The following RARB variants were observed in gnomAD, a reference collection of about 807,000 sequenced individuals.
The protein encoded by RARB is retinoic acid receptor beta, also known as HBV-activated protein.
A neutral mutation model predicts 51.9 loss-of-function variants in RARB; 17 were observed. That is an observed-to-expected ratio of 0.33 (90% CI 0.22 to 0.49). The LOEUF (loss-of-function observed/expected upper bound fraction) is 0.49, where lower values mean the gene tolerates loss of function less well. Among genes scored for constraint, RARB ranks in the 20% least tolerant of loss-of-function variants. The probability of loss-of-function intolerance (pLI) is 0.99; values close to 1 mark genes in which losing one functional copy is unlikely to be tolerated. For missense variants in RARB, 369 were observed against 550.8 expected, an observed-to-expected ratio of 0.67 and a Z score of 3.30; for synonymous variants, 215 against 195.4, an observed-to-expected ratio of 1.10 and a Z score of -0.84.
intron 1 of RARB, among the ~76,000 whole-genome samples, chr3:25,447,030 C>T (rs1227239155): frequency 6.7e-6 from 1 of 149,254 alleles, no homozygotes; most frequent in Non-Finnish European, 1.5e-5. Flanking sequence ...AAAAAAAAAA[C>T]TGATCGTGTT....
At chr3:24,900,782 C>G (rs186457177) in intron 2 of RARB, among the ~76,000 whole-genome samples, 1 of 152,012 alleles carries the variant, frequency 6.6e-6, no homozygotes, top group East Asian at 1.9e-4. Context: ...GCAGCACATT[C>G]GGTTTGAGCA....
intron 3 of RARB, among the ~76,000 whole-genome samples, chr3:25,549,394 C>T (rs368645851): frequency 2.0e-4 from 31 of 152,174 alleles, no homozygotes; most frequent in Middle Eastern, 3.4e-3. Context: ...AACAAGATGC[C>T]ATTTAACAGA....
At chr3:25,432,378 T>C (rs1405738632) in intron 1 of RARB, among the ~76,000 whole-genome samples, 1 of 152,210 alleles carries the variant, frequency 6.6e-6, no homozygotes, top group Non-Finnish European at 1.5e-5. Flanking sequence ...TGCCTAAACT[T>C]AAGCTATGGA....
At chr3:25,474,916 G>A (rs964126582) in intron 2 of RARB, among the ~76,000 whole-genome samples, 3 of 152,100 alleles carry the variant, frequency 2.0e-5, no homozygotes, top group Non-Finnish European at 4.4e-5. Context: ...AAAAATTTGA[G>A]TCTCATGTTG....
chr3:24,896,416 C>T (rs566383745), intron 2 of RARB, among the ~76,000 whole-genome samples: 16 of 152,176 alleles, frequency 1.1e-4, no homozygotes, highest in Non-Finnish European at 1.8e-4. Flanking sequence ...CGCACCACCA[C>T]GTCCGGCTAA....
In RARB at chr3:24,857,061, T is replaced by C. The variant is rs558183149; in HGVS notation, c.-458-1613T>C. 2.0e-5 allele frequency among the ~76,000 whole-genome samples: 3 copies of C among 152,300 alleles called. No individual in the cohort carries two copies. The South Asian group carries it at 6.2e-4, about 32-fold the overall frequency. On this transcript the variant is annotated intron_variant, in intron 1 of 11. Coordinates refer to the RARB transcript ENST00000383772. Reference sequence around the variant, plus strand: ...GACTGGAGCTGGAAGCACCAAAAGTTTTTATTCATTTAATTCACTAATAAA... The same window carrying C: ...GACTGGAGCTGGAAGCACCAAAAGTCTTTATTCATTTAATTCACTAATAAA...
chr3:24,890,342 C>G (rs1703354026), intron 2 of RARB, among the ~76,000 whole-genome samples: 1 of 152,198 alleles, frequency 6.6e-6, no homozygotes, highest in South Asian at 2.1e-4. Context: ...TTAGACTTTT[C>G]TCTCTGTTAC....
At chr3:25,200,763 A>G (rs1010245253) in intron 5 of RARB, among the ~76,000 whole-genome samples, 30 of 152,024 alleles carry the variant, frequency 2.0e-4, no homozygotes, top group African/African-American at 6.5e-4. Flanking sequence ...GATATGTGGC[A>G]TTATTTCTGA....
chr3:24,855,084 A>G (rs1227462491), intron 1 of RARB, among the ~76,000 whole-genome samples: 2 of 152,212 alleles, frequency 1.3e-5, no homozygotes, highest in Non-Finnish European at 2.9e-5. Context: ...GATTTGTAAG[A>G]CGGAGTGTTT....
intron 2 of RARB, among the ~76,000 whole-genome samples, chr3:24,896,510 C>A (rs1355783434): frequency 6.6e-6 from 1 of 152,092 alleles, no homozygotes; most frequent in Non-Finnish European, 1.5e-5. Flanking sequence ...CCGCCCGCCT[C>A]GGCCTCCCAA....
At chr3:25,487,238 AGT>A (rs1559428962) in intron 2 of RARB, among the ~76,000 whole-genome samples, 1 of 152,186 alleles carries the variant, frequency 6.6e-6, no homozygotes, top group Non-Finnish European at 1.5e-5. Flanking sequence ...CTTCCATGGA[AGT>A]GTGTTAAAGT....
chr3:25,303,207 G>A (rs376883178), intron 5 of RARB, among the ~76,000 whole-genome samples: 1 of 152,090 alleles, frequency 6.6e-6, no homozygotes, highest in Non-Finnish European at 1.5e-5. Flanking sequence ...AGGTATTATT[G>A]TCTCCATTCG....
chr3:25,385,987 C>T (rs190741161), intron 5 of RARB, among the ~76,000 whole-genome samples: 2 of 152,258 alleles, frequency 1.3e-5, no homozygotes, highest in African/African-American at 4.8e-5. Flanking sequence ...TTTGGCATTT[C>T]CGTCAGTCCG....
chr3:25,337,245 C>T (rs1365845671), intron 5 of RARB, among the ~76,000 whole-genome samples: 1 of 152,150 alleles, frequency 6.6e-6, no homozygotes, highest in East Asian at 1.9e-4. Flanking sequence ...AATACATTCA[C>T]TACAGAATAG....
At chr3:25,568,788 G>A (rs893911559) in intron 3 of RARB, among the ~76,000 whole-genome samples, 9 of 152,302 alleles carry the variant, frequency 5.9e-5, no homozygotes, top group South Asian at 4.1e-4. Flanking sequence ...CCTGGCACCC[G>A]CTGGGCCCCA....
chr3:25,422,539 G>C (rs1029218186), intron 5 of RARB, among the ~76,000 whole-genome samples: 1 of 151,970 alleles, frequency 6.6e-6, no homozygotes, highest in Non-Finnish European at 1.5e-5. Flanking sequence ...TTTAAAGCAG[G>C]GTTTAATAGT....
At chr3:25,375,485 G>T (rs959233165) in intron 5 of RARB, among the ~76,000 whole-genome samples, 2 of 152,176 alleles carry the variant, frequency 1.3e-5, no homozygotes, top group Non-Finnish European at 2.9e-5. Flanking sequence ...CAGGCAAGGT[G>T]ATCAGTTTCT....
chr3:25,091,262 G>A (rs190370419), intron 3 of RARB, among the ~76,000 whole-genome samples: 1 of 152,296 alleles, frequency 6.6e-6, no homozygotes, highest in Admixed American at 6.5e-5. Flanking sequence ...CTGTCTGGAT[G>A]CCTTCTGAGG....
At chr3:25,165,502 G>T (rs1387248840) in intron 4 of RARB, among the ~76,000 whole-genome samples, 2 of 152,126 alleles carry the variant, frequency 1.3e-5, no homozygotes, top group African/African-American at 4.8e-5. Context: ...CTGCCAGCCT[G>T]TAGATCCTGT....
Sources: allele counts gnomAD v4.1 joint callset (sites outside exome capture counted in the v4.1 genomes callset), GRCh38; gene constraint gnomAD v4.1.1; transcripts MANE v1.5; gene names NCBI Gene and HGNC (gene_info 2026-07-23, HGNC 2026-07-21).